Variants in HS3ST4 observed in about 807,000 individuals in gnomAD.
The protein encoded by HS3ST4 is heparan sulfate glucosamine 3-O-sulfotransferase 4.
A neutral mutation model predicts 29.2 loss-of-function variants in HS3ST4; 17 were observed. That is an observed-to-expected ratio of 0.58 (90% CI 0.40 to 0.87). HS3ST4 has a LOEUF of 0.87. HS3ST4 is among the 40% of genes least tolerant of loss of function. The probability of loss-of-function intolerance (pLI) is 0.00; values close to 1 mark genes in which losing one functional copy is unlikely to be tolerated. For synonymous variants in HS3ST4, 314 were observed against 285.7 expected, an observed-to-expected ratio of 1.10 and a Z score of -1.00; for missense variants, 627 against 634.5, an observed-to-expected ratio of 0.99 and a Z score of 0.13.
intron 1 of HS3ST4, among the ~76,000 whole-genome samples, chr16:26,071,231 A>G (rs1038898151): frequency 9.2e-5 from 14 of 152,186 alleles, no homozygotes; most frequent in African/African-American, 3.1e-4. Flanking sequence ...AGAACCCACT[A>G]TGAAAACATC....
At chr16:25,819,419 TAGATGAAATGCACTCAG>T (rs1967125303) in intron 1 of HS3ST4, among the ~76,000 whole-genome samples, 3 of 152,156 alleles carry the variant, frequency 2.0e-5, no homozygotes, top group African/African-American at 7.2e-5. Flanking sequence ...CAGCTTTCCA[TAGATGAAATGCACTCAG>T]AGATCACAGA....
At chr16:25,954,028 G>T (rs995413929) in intron 1 of HS3ST4, among the ~76,000 whole-genome samples, 6 of 152,118 alleles carry the variant, frequency 3.9e-5, no homozygotes, top group African/African-American at 1.4e-4. Context: ...TTGCAAAAAG[G>T]AGCTATCTGA....
chr16:26,067,947 G>A lies in HS3ST4; in HGVS notation c.735-67665G>A, dbSNP rs572846566. 3.9e-5 allele frequency among the ~76,000 whole-genome samples: 6 copies of A among 152,244 alleles called. No homozygotes were observed. In the South Asian group the frequency reaches 6.2e-4, roughly 16 times the overall value. Reference sequence around the variant, plus strand: ...TGCCTTCCACCATGATTGTGAGGCCGTCCCAGCCGTGTGGAACTGTGAGTC... The same window carrying A: ...TGCCTTCCACCATGATTGTGAGGCCATCCCAGCCGTGTGGAACTGTGAGTC... On this transcript the variant is annotated intron_variant, in intron 1 of 1. Transcript: ENST00000331351.
At position 25,692,952 on chromosome 16, in the gene HS3ST4, G is replaced by A. The variant is rs538838952; in HGVS notation, c.535G>A (p.Gly179Arg). Residue 179 changes from glycine to arginine, a missense_variant, in exon 1 of 2, where the codon GGG (glycine) becomes AGG (arginine). This residue lies in a region of HS3ST4 where 402 missense variants were observed against 340.8 expected (regional missense o/e 1.18). Transcript: ENST00000331351. ...TCTCGCAGGCCGGAGAGCGGCCAAC[G>A]GGAGCAGCGAGAGGGGCGGCGCCGT... ...EDLAGRRAAN[G>R]SSERGGAVST... 1.9e-6 allele frequency: 3 copies of A among 1,610,036 alleles called. No individual in the cohort carries two copies. Among genetic ancestry groups the A allele is most frequent in the Admixed American group, 3.3e-5 (2 of 59,734 alleles).
chr16:25,947,705 G>A (rs1968643110), intron 1 of HS3ST4, among the ~76,000 whole-genome samples: 1 of 152,136 alleles, frequency 6.6e-6, no homozygotes, highest in Non-Finnish European at 1.5e-5. Context: ...GAACGAGAGA[G>A]GAAGGATGGA....
Position 25,827,316 on chromosome 16 carries a change from C to T in HS3ST4, c.734+134165C>T, listed in dbSNP as rs573790886. Among the ~76,000 whole-genome samples, 84 of 152,218 alleles carry T rather than the reference C, an allele frequency of 5.5e-4. 1 individual carries two copies. Among genetic ancestry groups the T allele is most frequent in the Non-Finnish European group, 8.4e-4 (57 of 68,008 alleles). ...ATAGTGTCAGAGTTTGCAATTCCTT[C>T]GTTCAAGCAATAAGCAGAGAGTGAC... On this transcript the variant is annotated intron_variant, in intron 1 of 1. Coordinates refer to ENST00000331351, the MANE Select transcript of HS3ST4 (RefSeq NM_006040.3).
intron 1 of HS3ST4, among the ~76,000 whole-genome samples, chr16:25,764,673 C>T (rs910602537): frequency 6.6e-6 from 1 of 152,168 alleles, no homozygotes; most frequent in Non-Finnish European, 1.5e-5. Context: ...ACATTGATAC[C>T]AGAGCTTGGG....
chr16:26,014,230 G>C (rs1244122701), intron 1 of HS3ST4, among the ~76,000 whole-genome samples: 1 of 152,120 alleles, frequency 6.6e-6, no homozygotes, highest in Admixed American at 6.6e-5. Context: ...CTTGTTCACT[G>C]TTGTGTCCCT....
At chr16:26,085,415 C>A (rs1337094554) in intron 1 of HS3ST4, among the ~76,000 whole-genome samples, 1 of 152,094 alleles carries the variant, frequency 6.6e-6, no homozygotes, top group African/African-American at 2.4e-5. Context: ...CAACATAGAC[C>A]AAGCCACTGG....
At chr16:25,882,801 G>A (rs938079819) in intron 1 of HS3ST4, among the ~76,000 whole-genome samples, 1 of 152,122 alleles carries the variant, frequency 6.6e-6, no homozygotes, top group Non-Finnish European at 1.5e-5. Context: ...TTCACCAGAT[G>A]CCCACAAGAA....
At chr16:25,858,843 C>G (rs1376835484) in intron 1 of HS3ST4, among the ~76,000 whole-genome samples, 2 of 152,088 alleles carry the variant, frequency 1.3e-5, no homozygotes, top group African/African-American at 4.8e-5. Flanking sequence ...CTGTGGAGCT[C>G]TGAACACTTT....
intron 1 of HS3ST4, among the ~76,000 whole-genome samples, chr16:26,030,888 G>A (rs748927464): frequency 6.6e-6 from 1 of 152,138 alleles, no homozygotes; most frequent in Non-Finnish European, 1.5e-5. Context: ...GTTTAAAGAG[G>A]TGCTTTCTCC....
chr16:25,882,936 T>C (rs1373611608), intron 1 of HS3ST4, among the ~76,000 whole-genome samples: 6 of 152,188 alleles, frequency 3.9e-5, no homozygotes, highest in Admixed American at 2.0e-4. Flanking sequence ...CCTGTTCTAC[T>C]GCTCTGACCT....
chr16:25,702,962 C>T (rs2050482427), intron 1 of HS3ST4, among the ~76,000 whole-genome samples: 1 of 151,996 alleles, frequency 6.6e-6, no homozygotes, highest in Non-Finnish European at 1.5e-5. Context: ...AGATTGAGAC[C>T]ATCCTGGCTC....
chr16:26,005,406 C>T (rs1054284059), intron 1 of HS3ST4, among the ~76,000 whole-genome samples: 1 of 152,030 alleles, frequency 6.6e-6, no homozygotes, highest in African/African-American at 2.4e-5. Flanking sequence ...GATAAGCAGC[C>T]TTAGAGTGTG....
intron 1 of HS3ST4, among the ~76,000 whole-genome samples, chr16:26,031,733 A>G (rs546352770): frequency 3.8e-4 from 58 of 150,878 alleles, no homozygotes; most frequent in African/African-American, 1.4e-3. Context: ...GCCAAACTGT[A>G]TCCAGCTTTA....
chr16:26,070,894 CCTA>C (rs1242292925), intron 1 of HS3ST4, among the ~76,000 whole-genome samples: 2 of 152,188 alleles, frequency 1.3e-5, no homozygotes, highest in Admixed American at 6.5e-5. Context: ...GATTTAGTCT[CCTA>C]CTCATCTGGA....
rs78749495 is a variant in HS3ST4 at position 25,812,643 on chromosome 16, A to C, written c.734+119492A>C. On this transcript the variant is annotated intron_variant, in intron 1 of 1. Transcript: ENST00000331351. ...CACTGTGTTAAAGACCTTCCCATGC[A>C]GTATCCCACTCAATCTCATTTAATC... is the stretch of plus-strand genomic sequence containing the variant. 1.4e-4 allele frequency among the ~76,000 whole-genome samples: 22 copies of C among 152,152 alleles called. No individual in the cohort carries two copies. In the East Asian group the frequency reaches 3.9e-3, roughly 27 times the overall value.
chr16:26,067,212 AT>A (rs914020762), intron 1 of HS3ST4, among the ~76,000 whole-genome samples: 1 of 152,160 alleles, frequency 6.6e-6, no homozygotes, highest in Non-Finnish European at 1.5e-5. Flanking sequence ...TCCTGTGCAA[AT>A]ATTATTTTCA....
Sources: gnomAD v4.1 joint callset for allele counts (sites outside exome capture counted in the v4.1 genomes callset) on GRCh38, gnomAD v4.1.1 for gene constraint, gnomAD v4.1.1 regional missense constraint, MANE v1.5 for transcripts, NCBI Gene and HGNC (gene_info 2026-07-23, HGNC 2026-07-21) for gene names.